EPHB1: variants seen among roughly 807,000 people sequenced by gnomAD.
EPHB1 encodes the protein EPH receptor B1.
In EPHB1, 30 loss-of-function variants were observed where a neutral mutation model predicts 94.4. The ratio of observed to expected loss-of-function variants is 0.32; its 90% CI spans 0.24 to 0.43. The LOEUF is 0.43. EPHB1 is among the 20% of genes least tolerant of loss of function. EPHB1 has a pLI of 1.00. For synonymous variants in EPHB1, 522 were observed against 489.1 expected, an observed-to-expected ratio of 1.07 and a Z score of -0.89; for missense variants, 1,055 against 1,308.3, an observed-to-expected ratio of 0.81 and a Z score of 2.99.
chr3:134,826,618 T>A (rs188156756), intron 1 of EPHB1, among the ~76,000 whole-genome samples: 1 of 152,306 alleles, frequency 6.6e-6, no homozygotes, highest in Admixed American at 6.5e-5. Context: ...AATATAAAGG[T>A]TGTCTAAATA....
chr3:135,219,659 A>G (rs1943232492), intron 12 of EPHB1, among the ~76,000 whole-genome samples: 1 of 152,234 alleles, frequency 6.6e-6, no homozygotes, highest in African/African-American at 2.4e-5. Flanking sequence ...ATGTTCACTG[A>G]GTTGGCAATG....
intron 3 of EPHB1, among the ~76,000 whole-genome samples, chr3:134,995,502 C>T (rs1559787215): frequency 6.6e-6 from 1 of 151,990 alleles, no homozygotes; most frequent in Non-Finnish European, 1.5e-5. Flanking sequence ...TTTCATTTTT[C>T]TAGAGATGAC....
chr3:134,823,380 C>G (rs2036418091), intron 1 of EPHB1, among the ~76,000 whole-genome samples: 1 of 152,172 alleles, frequency 6.6e-6, no homozygotes, highest in African/African-American at 2.4e-5. Context: ...CTCAGTTGCT[C>G]TCATCCCCAT....
At chr3:135,204,117 G>A (rs1008812799) in intron 12 of EPHB1, among the ~76,000 whole-genome samples, 1 of 152,178 alleles carries the variant, frequency 6.6e-6, no homozygotes, top group African/African-American at 2.4e-5. Context: ...GTGGAAAATG[G>A]GGTATTCATT....
chr3:134,845,551 G>A (rs1031589292), intron 1 of EPHB1, among the ~76,000 whole-genome samples: 1 of 152,220 alleles, frequency 6.6e-6, no homozygotes, highest in Admixed American at 6.5e-5. Flanking sequence ...TTGGCAGAGG[G>A]ATCTGCTGTC....
chr3:134,949,683 G>C (rs947612987), intron 2 of EPHB1, among the ~76,000 whole-genome samples: 3 of 152,086 alleles, frequency 2.0e-5, no homozygotes, highest in African/African-American at 7.2e-5. Context: ...AAATAGTCAA[G>C]GATCTTAATT....
At position 135,167,261 on chromosome 3, in the gene EPHB1, G is replaced by A. The variant is rs189105028; in HGVS notation, c.1759+255G>A. Among the ~76,000 whole-genome samples, 142 of 152,314 alleles carry A rather than the reference G, an allele frequency of 9.3e-4. 1 individual carries two copies. Among genetic ancestry groups the A allele is most frequent in the Non-Finnish European group, 1.4e-3 (94 of 68,034 alleles). On this transcript the variant is annotated intron_variant, in intron 9 of 15. Coordinates refer to ENST00000398015, the MANE Select transcript of EPHB1 (RefSeq NM_004441.5). Reference sequence around the variant, plus strand: ...TGTCTGCACTGATAAGCCCATATAGGACACAAAATGCAGGGAAAAGATTGG... The same window carrying A: ...TGTCTGCACTGATAAGCCCATATAGAACACAAAATGCAGGGAAAAGATTGG...
chr3:135,215,105 C>G (rs1943116284), intron 12 of EPHB1, among the ~76,000 whole-genome samples: 1 of 152,188 alleles, frequency 6.6e-6, no homozygotes, highest in Non-Finnish European at 1.5e-5. Context: ...GCTTCCCCAT[C>G]TCTCAGAATC....
chr3:134,888,069 C>G (rs576308252), intron 1 of EPHB1, among the ~76,000 whole-genome samples: 1 of 152,158 alleles, frequency 6.6e-6, no homozygotes, highest in Non-Finnish European at 1.5e-5. Flanking sequence ...ATCTCTGGTG[C>G]GGCCCCTCTC....
Position 134,855,747 on chromosome 3 carries a change from C to G in EPHB1, c.58+60058C>G, listed in dbSNP as rs1310900631. ...ATAGGAATAGGGGGAGGAAATATAC[C>G]CCAGAACAGGGAAAAAGAAAGCTAG... On this transcript the variant is annotated intron_variant, in intron 1 of 15. Transcript: ENST00000398015. Among the ~76,000 whole-genome samples, 12 of 152,120 alleles carry G rather than the reference C, an allele frequency of 7.9e-5. No homozygotes were observed. In the East Asian group the frequency reaches 2.3e-3, roughly 29 times the overall value.
intron 4 of EPHB1, among the ~76,000 whole-genome samples, chr3:135,120,781 G>A (rs974730580): frequency 1.3e-5 from 2 of 152,322 alleles, no homozygotes; most frequent in Middle Eastern, 3.4e-3. Flanking sequence ...TTAACCCACA[G>A]TCACTTCCCA....
intron 1 of EPHB1, among the ~76,000 whole-genome samples, chr3:134,899,779 A>G (rs914371055): frequency 1.4e-4 from 22 of 152,196 alleles, no homozygotes; most frequent in African/African-American, 5.1e-4. Context: ...GGCTCAAGCC[A>G]TCCTCCTGCT....
chr3:134,802,156 G>A (rs895695876), intron 1 of EPHB1, among the ~76,000 whole-genome samples: 1 of 151,712 alleles, frequency 6.6e-6, no homozygotes, highest in East Asian at 1.9e-4. Flanking sequence ...GGGCTGACAG[G>A]CCGGGCGCGG....
chr3:135,043,345 C>T (rs1936908326), intron 3 of EPHB1, among the ~76,000 whole-genome samples: 1 of 152,004 alleles, frequency 6.6e-6, no homozygotes. Context: ...TCTCTGTAAT[C>T]TTCTATCTGT....
intron 1 of EPHB1, among the ~76,000 whole-genome samples, chr3:134,864,130 G>A (rs2037322812): frequency 6.6e-6 from 1 of 152,172 alleles, no homozygotes; most frequent in South Asian, 2.1e-4. Context: ...CTAGCACGGG[G>A]CCTTTGTATG....
intron 3 of EPHB1, among the ~76,000 whole-genome samples, chr3:135,038,697 T>G (rs1159099490): frequency 6.6e-6 from 1 of 152,180 alleles, no homozygotes. Flanking sequence ...TCTGGTGGGT[T>G]CGTGGTCTCG....
At chr3:134,875,025 G>C (rs868237485) in intron 1 of EPHB1, among the ~76,000 whole-genome samples, 24 of 152,254 alleles carry the variant, frequency 1.6e-4, no homozygotes, top group Admixed American at 1.3e-4. Flanking sequence ...AGTGCGTAAG[G>C]CTTTTGCATC....
Position 135,187,919 on chromosome 3 carries a change from C to T in EPHB1, c.1883-4657C>T, listed in dbSNP as rs1046861316. Among the ~76,000 whole-genome samples, 3 of 152,176 alleles carry T rather than the reference C, an allele frequency of 2.0e-5. No individual in the cohort carries two copies. The South Asian group carries it at 6.2e-4, about 32-fold the overall frequency. ...TTCTGTTTTGTCTTTTTAAAACAGGCCTGGCATGGTGGCTCATGCCTGTAA... is the reference window on the plus strand; with the variant it reads ...TTCTGTTTTGTCTTTTTAAAACAGGTCTGGCATGGTGGCTCATGCCTGTAA... On this transcript the variant is annotated intron_variant, in intron 10 of 15. Transcript: ENST00000398015.
chr3:134,971,984 T>TTAATGAAGACTCCCATTA (rs1202773456), intron 3 of EPHB1, among the ~76,000 whole-genome samples: 1 of 152,194 alleles, frequency 6.6e-6, no homozygotes, highest in Non-Finnish European at 1.5e-5. Flanking sequence ...AAATGGTATT[T>TTAATGAAGACTCCCATTA]TAATGAAGAC....
Sources: gnomAD v4.1 joint callset for allele counts (sites outside exome capture counted in the v4.1 genomes callset) on GRCh38, gnomAD v4.1.1 for gene constraint, MANE v1.5 for transcripts, NCBI Gene and HGNC (gene_info 2026-07-23, HGNC 2026-07-21) for gene names.